Variants in ADAMTS2 observed in about 807,000 individuals in gnomAD.
ADAMTS2 encodes the protein A disintegrin and metalloproteinase with thrombospondin motifs 2.
In ADAMTS2, 50 loss-of-function variants were observed where a neutral mutation model predicts 123.0. That is an observed-to-expected ratio of 0.41 (90% CI 0.32 to 0.51). ADAMTS2 has a LOEUF of 0.51. ADAMTS2 is among the 20% of genes least tolerant of loss of function. The probability of loss-of-function intolerance (pLI) is 0.35; values close to 1 mark genes in which losing one functional copy is unlikely to be tolerated. For synonymous variants in ADAMTS2, 678 were observed against 695.4 expected, an observed-to-expected ratio of 0.98 and a Z score of 0.39; for missense variants, 1,494 against 1,705.2, an observed-to-expected ratio of 0.88 and a Z score of 2.18.
At position 179,129,136 on chromosome 5, in the gene ADAMTS2, G is replaced by A. The variant is rs911982830; in HGVS notation, c.2457+796C>T. ...TGCAAATACAGAAACCGTGAGTGCC[G>A]AGGACCAGCTGCTCACACACTGATG... On this transcript the variant is annotated intron_variant, in intron 16 of 21. Transcript: ENST00000251582. This position sits in a 1 kb window ranked among gnomAD's most constrained non-coding sequence, Gnocchi z 4.1. Among the ~76,000 whole-genome samples, 9 of 152,140 alleles carry A rather than the reference G, an allele frequency of 5.9e-5. No individual in the cohort carries two copies. Among genetic ancestry groups the A allele is most frequent in the Admixed American group, 3.3e-4 (5 of 15,274 alleles).
chr5:179,145,905 C>T (rs144699846), intron 10 of ADAMTS2, among the ~76,000 whole-genome samples: 8 of 152,148 alleles, frequency 5.3e-5, no homozygotes, highest in Admixed American at 3.3e-4. Flanking sequence ...CCGGCTGGAG[C>T]GAAGTGGCGA....
Position 179,231,024 on chromosome 5 carries a change from CGG to C in ADAMTS2, c.689-23311_689-23310del, listed in dbSNP as rs1264953532. ...AAACTCAGTCTCAAAAAAAAAAAGCCGGGGGGGCTACCAAAAGATGAGAGGGA... is the reference window on the plus strand; with the variant it reads ...AAACTCAGTCTCAAAAAAAAAAAGCCGGGGGCTACCAAAAGATGAGAGGGA... On this transcript the variant is annotated intron_variant, in intron 3 of 21. Coordinates refer to ENST00000251582, the MANE Select transcript of ADAMTS2 (RefSeq NM_014244.5). 2.0e-5 allele frequency among the ~76,000 whole-genome samples: 3 copies of C among 151,788 alleles called. No individual in the cohort carries two copies. The South Asian group carries it at 6.3e-4, about 32-fold the overall frequency.
In ADAMTS2 at chr5:179,343,878, G is replaced by A. The variant is rs755099137; in HGVS notation, c.423C>T (p.Gly141=). The part of the protein sequence containing the change: ...VAPGATMEWQ[G]EKGTTRVEPL... ...GCTCCACGCGGGTGGTGCCCTTCTC[G>A]CCCTGCCACTCCATAGTGGCCCCGG... Residue 141 remains glycine (G), a synonymous_variant, in exon 2 of 22, where the codon GGC becomes GGT. Coordinates refer to ENST00000251582, the MANE Select transcript of ADAMTS2 (RefSeq NM_014244.5). 152 of 1,586,926 alleles carry A rather than the reference G, an allele frequency of 9.6e-5. No homozygotes were observed. The Admixed American group carries it at 2.7e-3, about 28-fold the overall frequency.
At chr5:179,321,107 A>G (rs930577020) in intron 2 of ADAMTS2, among the ~76,000 whole-genome samples, 1 of 152,020 alleles carries the variant, frequency 6.6e-6, no homozygotes, top group African/African-American at 2.4e-5. Flanking sequence ...TTTTACTTGG[A>G]TTTCCAACAC....
intron 21 of ADAMTS2, 121 bp from the exon 22 acceptor site, chr5:179,114,445 T>A: frequency 1.0e-6 from 1 of 985,732 alleles, no homozygotes; most frequent in Non-Finnish European, 1.5e-6. Context: ...CAGAGGCAAG[T>A]GAGCCCAGGC....
rs1047223512 is a variant in ADAMTS2 at position 179,113,725 on chromosome 5, T to C, written c.*142A>G. ...ACCACATGCTCATGCCTATCTTTCTTACGTCATTCCCCCTCTTTGTTTTCT... is the reference window on the plus strand; with the variant it reads ...ACCACATGCTCATGCCTATCTTTCTCACGTCATTCCCCCTCTTTGTTTTCT... On this transcript the variant is annotated 3_prime_UTR_variant, in exon 22 of 22. Coordinates refer to ENST00000251582, the MANE Select transcript of ADAMTS2 (RefSeq NM_014244.5). 1 of 863,668 alleles carries C rather than the reference T, an allele frequency of 1.2e-6. No individual in the cohort carries two copies. The highest frequency in any genetic ancestry group is 1.9e-6 in the Non-Finnish European group (1 of 534,802). 53.5% of individuals were successfully genotyped at this position (863,668 alleles called of 1,614,324 possible).
intron 3 of ADAMTS2, among the ~76,000 whole-genome samples, chr5:179,216,421 T>C (rs1292674465): frequency 2.2e-5 from 3 of 136,826 alleles, no homozygotes; most frequent in African/African-American, 8.4e-5. Context: ...TTTCCAGCTT[T>C]CCCCCCACCG....
At chr5:179,241,440 G>T (rs1449874713) in intron 3 of ADAMTS2, among the ~76,000 whole-genome samples, 4 of 152,216 alleles carry the variant, frequency 2.6e-5, no homozygotes, top group African/African-American at 4.8e-5. Flanking sequence ...TCCACGTCCA[G>T]CAAAACGAGG....
chr5:179,252,555 T>A (rs962193095), intron 3 of ADAMTS2, among the ~76,000 whole-genome samples: 2 of 152,062 alleles, frequency 1.3e-5, no homozygotes, highest in African/African-American at 4.8e-5. Context: ...GTATTTTTTT[T>A]AAATTTCCAA....
intron 9 of ADAMTS2, 148 bp from the exon 10 acceptor site, chr5:179,152,403 GGGT>G: frequency 1.3e-6 from 1 of 796,158 alleles, no homozygotes; most frequent in African/African-American, 1.7e-5. Flanking sequence ...TGTGATTCTG[GGGT>G]GGTGAAGACC....
intron 4 of ADAMTS2, among the ~76,000 whole-genome samples, chr5:179,198,822 A>G (rs1764491194): frequency 6.6e-6 from 1 of 151,300 alleles, no homozygotes; most frequent in East Asian, 1.9e-4. Flanking sequence ...CGACAGAGCA[A>G]GACTCTATCT....
rs139969383 is a variant in ADAMTS2, at chr5:179,136,845, C to T, written c.1952-803G>A. Among the ~76,000 whole-genome samples the T allele has an allele frequency of 4.7e-3, 721 of 152,046 alleles. 6 individuals carry two copies. Among genetic ancestry groups the T allele is most frequent in the Non-Finnish European group, 7.2e-3 (489 of 67,986 alleles). ...TTTAGCCGGGTGTGGTGGCGTGCGC[C>T]TGAAGTCCCAGCTACTCAGGAGGCT... is the stretch of plus-strand genomic sequence containing the variant. On this transcript the variant is annotated intron_variant, in intron 12 of 21. Coordinates refer to ENST00000251582, the MANE Select transcript of ADAMTS2 (RefSeq NM_014244.5).
rs138101035 is a variant in ADAMTS2, at chr5:179,213,831, C to T, written c.689-6116G>A. On this transcript the variant is annotated intron_variant, in intron 3 of 21. Transcript: ENST00000251582. ...CTCATGGAAAAAAATACAAAAGATACGAAACTTTATGCTCCTAAAGCTTCA... is the reference window on the plus strand; with the variant it reads ...CTCATGGAAAAAAATACAAAAGATATGAAACTTTATGCTCCTAAAGCTTCA... Among the ~76,000 whole-genome samples, 1,313 of 152,228 alleles carry T rather than the reference C, an allele frequency of 8.6e-3. 11 individuals carry two copies. Among genetic ancestry groups the T allele is most frequent in the Non-Finnish European group, 0.011 (737 of 68,016 alleles).
intron 3 of ADAMTS2, among the ~76,000 whole-genome samples, chr5:179,222,541 G>A (rs1021710399): frequency 6.6e-6 from 1 of 152,220 alleles, no homozygotes; most frequent in African/African-American, 2.4e-5. Flanking sequence ...CACTGCAAGG[G>A]CTCAGAAGAC....
chr5:179,177,225 T>G (rs1370506196), intron 5 of ADAMTS2, among the ~76,000 whole-genome samples: 1 of 152,242 alleles, frequency 6.6e-6, no homozygotes, highest in African/African-American at 2.4e-5. Context: ...TGAATAGATT[T>G]CCTGATATTA....
intron 3 of ADAMTS2, among the ~76,000 whole-genome samples, chr5:179,236,218 C>T (rs1765525127): frequency 1.3e-5 from 2 of 152,212 alleles, no homozygotes; most frequent in Admixed American, 1.3e-4. Flanking sequence ...TCCCTCCCTC[C>T]AAGTCTTGGA....
At chr5:179,152,713 G>A (rs1410035926) in intron 9 of ADAMTS2, among the ~76,000 whole-genome samples, 7 of 152,044 alleles carry the variant, frequency 4.6e-5, no homozygotes, top group South Asian at 4.1e-4. Context: ...CCTGCAGGAC[G>A]TCCCTGAGGG....
intron 3 of ADAMTS2, among the ~76,000 whole-genome samples, chr5:179,223,913 C>T (rs1410773648): frequency 6.6e-6 from 1 of 152,258 alleles, no homozygotes; most frequent in African/African-American, 2.4e-5. Flanking sequence ...GCCCTTGACC[C>T]CTCTCTAAGT....
At chr5:179,231,558 G>A (rs188335930) in intron 3 of ADAMTS2, among the ~76,000 whole-genome samples, 42 of 152,284 alleles carry the variant, frequency 2.8e-4, no homozygotes, top group East Asian at 2.5e-3. Context: ...CTCTACAGTC[G>A]CCTACCATGG....
Sources: allele counts gnomAD v4.1 joint callset (sites outside exome capture counted in the v4.1 genomes callset), GRCh38; gene constraint gnomAD v4.1.1; non-coding constraint Gnocchi (gnomAD v3.1); transcripts MANE v1.5; gene names NCBI Gene and HGNC (gene_info 2026-07-23, HGNC 2026-07-21).